Variants in C8orf34 observed in about 807,000 individuals in gnomAD.
C8orf34 encodes the protein chromosome 8 open reading frame 34, also known as uncharacterized protein C8orf34.
Under a neutral mutation model 68.3 loss-of-function variants are expected in C8orf34, and 65 were observed. The observed-to-expected ratio is 0.95, with a 90% CI of 0.78 to 1.17. The LOEUF (loss-of-function observed/expected upper bound fraction) is 1.17. C8orf34 is among the 50% of genes most tolerant of loss of function. The probability of loss-of-function intolerance (pLI) is 0.00; values close to 1 mark genes in which losing one functional copy is unlikely to be tolerated. For missense variants in C8orf34, 664 were observed against 655.4 expected (o/e 1.01, Z -0.14); for synonymous variants, 244 against 241.2 (o/e 1.01, Z -0.11).
chr8:68,512,542 ATTAT>A (rs1297057536), intron 5 of C8orf34, among the ~76,000 whole-genome samples: 6 of 152,174 alleles, frequency 3.9e-5, no homozygotes, highest in Non-Finnish European at 8.8e-5. Flanking sequence ...ATTATCATAA[ATTAT>A]TTATTTTGCC....
At chr8:68,473,896 G>A (rs574812210) in intron 4 of C8orf34, among the ~76,000 whole-genome samples, 11 of 152,094 alleles carry the variant, frequency 7.2e-5, no homozygotes, top group Non-Finnish European at 1.0e-4. Context: ...TGTTGATTAC[G>A]CTGTCATTCT....
At chr8:68,460,277 A>C (rs1222172303) in intron 3 of C8orf34, among the ~76,000 whole-genome samples, 1 of 152,218 alleles carries the variant, frequency 6.6e-6, no homozygotes, top group African/African-American at 2.4e-5. Flanking sequence ...TAGGTAAACA[A>C]AACAGCCAGG....
chr8:68,512,180 T>G (rs760591015), intron 5 of C8orf34, among the ~76,000 whole-genome samples: 3 of 152,364 alleles, frequency 2.0e-5, no homozygotes, highest in Non-Finnish European at 4.4e-5. Context: ...ACAAAGAAGT[T>G]TGGTTATCTT....
chr8:68,533,013 A>G lies in C8orf34; in HGVS notation c.969A>G (p.Leu323=), dbSNP rs755102263. The change falls in exon 7 of 14, where the codon TTA becomes TTG. Residue 323 remains leucine (L), a synonymous_variant. Transcript: ENST00000518698. ...AGATGGAGCCTAAGAACAAAGGATT[A>G]AAACAGCAGCAACAGCAACATAAGA... ...SLKMEPKNKG[L]KQQQQQHKKL... 1 of 1,606,942 alleles carries G rather than the reference A, an allele frequency of 6.2e-7. No homozygotes were observed. The highest frequency in any genetic ancestry group is 8.5e-7 in the Non-Finnish European group (1 of 1,175,064).
intron 8 of C8orf34, among the ~76,000 whole-genome samples, chr8:68,662,966 G>A (rs1819726935): frequency 1.3e-5 from 2 of 152,172 alleles, no homozygotes; most frequent in African/African-American, 4.8e-5. Context: ...TTGACAAAGT[G>A]TAAACATAGG....
rs547596498 is a variant in C8orf34, at chr8:68,467,573, T to C, written c.608-1119T>C. Among the ~76,000 whole-genome samples, 4 of 152,126 alleles carry C rather than the reference T, an allele frequency of 2.6e-5. No individual in the cohort carries two copies. The South Asian group carries it at 6.2e-4, about 24-fold the overall frequency. On this transcript the variant is annotated intron_variant, in intron 3 of 13. Coordinates refer to ENST00000518698, the MANE Select transcript of C8orf34 (RefSeq NM_052958.4). ...TGTCTTTCACTATCTTCCCGAGAATTCCCTGTTCCTTTTCCATATTGGGAG... is the reference window on the plus strand; with the variant it reads ...TGTCTTTCACTATCTTCCCGAGAATCCCCTGTTCCTTTTCCATATTGGGAG...
At chr8:68,427,544 G>A (rs1401109657) in intron 1 of C8orf34, among the ~76,000 whole-genome samples, 2 of 152,128 alleles carry the variant, frequency 1.3e-5, no homozygotes, top group Non-Finnish European at 1.5e-5. Flanking sequence ...TAGATATAGA[G>A]GGAAGAATGG....
chr8:68,432,749 A>G (rs1257695631), intron 1 of C8orf34, among the ~76,000 whole-genome samples: 1 of 152,024 alleles, frequency 6.6e-6, no homozygotes, highest in Non-Finnish European at 1.5e-5. Context: ...GTCAGGGAAG[A>G]CTCTGACAGA....
chr8:68,430,103 C>T (rs2129624703), intron 1 of C8orf34, among the ~76,000 whole-genome samples: 1 of 152,158 alleles, frequency 6.6e-6, no homozygotes, highest in East Asian at 1.9e-4. Context: ...GGGAGAGAGG[C>T]TGGAGATTGA....
intron 7 of C8orf34, among the ~76,000 whole-genome samples, chr8:68,582,331 C>G (rs959618192): frequency 2.0e-5 from 3 of 152,114 alleles, no homozygotes; most frequent in African/African-American, 7.2e-5. Flanking sequence ...GCCTTCCTTC[C>G]CTCCAGGTAT....
chr8:68,453,534 A>G (rs1210619724), intron 3 of C8orf34, among the ~76,000 whole-genome samples: 1 of 152,036 alleles, frequency 6.6e-6, no homozygotes, highest in Non-Finnish European at 1.5e-5. Context: ...TTCAGATGCT[A>G]TCGTAAATGG....
chr8:68,331,892 G>C lies in C8orf34; in HGVS notation c.327+553G>C, dbSNP rs373611523. ...CAATTAACTGGAAGACAGCTGAACT[G>C]GTGAGGAGTAGGCTTCAGTCGGTGC... On this transcript the variant is annotated intron_variant, in intron 1 of 13. Transcript: ENST00000518698. 2.8e-3 allele frequency among the ~76,000 whole-genome samples: 391 copies of C among 139,160 alleles called. 6 individuals carry two copies. Among genetic ancestry groups the C allele is most frequent in the African/African-American group, 9.9e-3 (373 of 37,546 alleles). The allele number at this position is 139,160 out of a possible 152,430, so 91.3% of individuals were successfully genotyped here.
chr8:68,534,477 G>C, intron 7 of C8orf34: 1 of 588,688 alleles, frequency 1.7e-6, no homozygotes. Flanking sequence ...GATACAATAC[G>C]TCACTACCTG....
At chr8:68,335,008 CAT>C (rs1441895434) in intron 1 of C8orf34, among the ~76,000 whole-genome samples, 3 of 152,144 alleles carry the variant, frequency 2.0e-5, no homozygotes, top group Admixed American at 2.0e-4. Flanking sequence ...CCTCCCTGAT[CAT>C]ATCTAAAAAA....
At chr8:68,813,673 T>C (rs150231708) in intron 12 of C8orf34, among the ~76,000 whole-genome samples, 2 of 152,210 alleles carry the variant, frequency 1.3e-5, no homozygotes, top group African/African-American at 2.4e-5. Context: ...CACCATGAGA[T>C]AGCATCAACA....
chr8:68,390,570 T>C (rs945080736), intron 1 of C8orf34, among the ~76,000 whole-genome samples: 3 of 152,182 alleles, frequency 2.0e-5, no homozygotes, highest in African/African-American at 7.2e-5. Flanking sequence ...GTTACTTCTA[T>C]CCTTTTTTCT....
At chr8:68,674,767 A>G (rs1230072693) in intron 8 of C8orf34, among the ~76,000 whole-genome samples, 1 of 152,136 alleles carries the variant, frequency 6.6e-6, no homozygotes, top group African/African-American at 2.4e-5. Context: ...CTAGATAAAG[A>G]TATCAATGTC....
chr8:68,389,256 T>A (rs916698006), intron 1 of C8orf34, among the ~76,000 whole-genome samples: 57 of 152,188 alleles, frequency 3.7e-4, no homozygotes, highest in African/African-American at 1.4e-3. Flanking sequence ...CTGGTTTCCA[T>A]GTCAGTTTTG....
intron 7 of C8orf34, among the ~76,000 whole-genome samples, chr8:68,542,383 T>G (rs2129950363): frequency 6.6e-6 from 1 of 152,322 alleles, no homozygotes; most frequent in South Asian, 2.1e-4. Context: ...GACAAAACTT[T>G]TCCTTTCTTT....
Sources: allele counts gnomAD v4.1 joint callset (sites outside exome capture counted in the v4.1 genomes callset), GRCh38; gene constraint gnomAD v4.1.1; transcripts MANE v1.5; gene names NCBI Gene and HGNC (gene_info 2026-07-23, HGNC 2026-07-21).